Variants in DIP2C observed in about 807,000 individuals in gnomAD.
DIP2C encodes the protein DIP2 acetate--CoA ligase C (putative).
A neutral mutation model predicts 192.4 loss-of-function variants in DIP2C; 33 were observed. The ratio of observed to expected loss-of-function variants is 0.17; its 90% CI spans 0.13 to 0.23. The LOEUF (loss-of-function observed/expected upper bound fraction) is 0.23. Ranked by LOEUF, DIP2C falls within the 10% of genes least tolerant of loss-of-function variation. The probability of loss-of-function intolerance (pLI) is 1.00; values close to 1 mark genes in which losing one functional copy is unlikely to be tolerated. For missense variants in DIP2C, 1,537 were observed against 2,110.1 expected (o/e 0.73, Z 5.32); for synonymous variants, 979 against 864.1 (o/e 1.13, Z -2.33).
At chr10:471,741 A>G (rs1970648832) in intron 3 of DIP2C, among the ~76,000 whole-genome samples, 2 of 152,134 alleles carry the variant, frequency 1.3e-5, no homozygotes, top group South Asian at 4.2e-4. Context: ...AACATTAATC[A>G]CAGCCTGAGT....
At chr10:405,986 C>T (rs184133450) in intron 9 of DIP2C, among the ~76,000 whole-genome samples, 1 of 152,330 alleles carries the variant, frequency 6.6e-6, no homozygotes, top group African/African-American at 2.4e-5. Context: ...GCGCCTTCAC[C>T]CCTGACCCAA....
At chr10:419,337 C>A (rs937060493) in intron 5 of DIP2C, 138 bp from the exon 6 acceptor site, 17 of 1,213,644 alleles carry the variant, frequency 1.4e-5, no homozygotes, top group Non-Finnish European at 2.0e-5. Flanking sequence ...CCGATCTCAG[C>A]CGCATCTGCC....
chr10:314,353 C>G (rs1245393935), intron 31 of DIP2C, among the ~76,000 whole-genome samples: 1 of 152,238 alleles, frequency 6.6e-6, no homozygotes, highest in Non-Finnish European at 1.5e-5. Context: ...TCCTCCCTTT[C>G]TAGCCACCCT....
intron 1 of DIP2C, among the ~76,000 whole-genome samples, chr10:654,324 T>C (rs1048051983): frequency 1.3e-5 from 2 of 152,230 alleles, no homozygotes; most frequent in African/African-American, 4.8e-5. Context: ...AGCCCGTTTC[T>C]GTACCCAGCT....
chr10:344,889 T>C lies in DIP2C; in HGVS notation c.3373A>G (p.Ile1125Val). The C allele has an allele frequency of 6.2e-7, 1 of 1,607,874 alleles. No homozygotes were observed. Among genetic ancestry groups the C allele is most frequent in the Non-Finnish European group, 8.5e-7 (1 of 1,178,188 alleles). ...DDLPKKRPAQ[I>V]CKPCNPDTLA... ...GTGTCTGGGTTGCAAGGTTTGCAGA[T>C]CTGGGCAGGCCGCTTCTTTGGCAAA... The change falls in exon 28 of 37, where the codon ATC becomes GTC. Residue 1125 changes from isoleucine to valine, a missense_variant. Ile to Val is a conservative substitution (Grantham distance 29). Around this residue, in one of 4 missense-constraint regions of DIP2C, gnomAD observed 46 missense variants for 28.9 expected, o/e 1.59. Coordinates refer to ENST00000280886, the MANE Select transcript of DIP2C (RefSeq NM_014974.3).
chr10:409,327 A>C (rs888346501), intron 8 of DIP2C, among the ~76,000 whole-genome samples: 1 of 152,150 alleles, frequency 6.6e-6, no homozygotes, highest in South Asian at 2.1e-4. Flanking sequence ...GGGGGCGCGG[A>C]CAGTGCACAC....
intron 17 of DIP2C, among the ~76,000 whole-genome samples, chr10:378,922 T>C (rs1461270160): frequency 1.3e-5 from 2 of 152,218 alleles, no homozygotes; most frequent in Admixed American, 1.3e-4. Flanking sequence ...CAGACATGCG[T>C]GAGGACAGGC....
intron 1 of DIP2C, among the ~76,000 whole-genome samples, chr10:654,469 G>A (rs888872263): frequency 5.3e-5 from 8 of 152,168 alleles, no homozygotes; most frequent in Non-Finnish European, 1.2e-4. Flanking sequence ...ATAGCGTGGA[G>A]GGCACTGTAG....
chr10:385,845 G>A (rs1962847837), intron 14 of DIP2C, among the ~76,000 whole-genome samples: 1 of 152,132 alleles, frequency 6.6e-6, no homozygotes, highest in African/African-American at 2.4e-5. Flanking sequence ...CTCGATTTGG[G>A]AAGCTCCAGA....
rs1435860160 is a variant in DIP2C, at chr10:689,460, A to T, written c.85+34T>A. 8 of 1,101,560 alleles carry T rather than the reference A, an allele frequency of 7.3e-6. No homozygotes were observed. The highest frequency in any genetic ancestry group is 7.8e-6 in the Non-Finnish European group (7 of 901,788). The allele number at this position is 1,101,560 out of a possible 1,614,324, so 68.2% of individuals were successfully genotyped here. On this transcript the variant is annotated intron_variant, in intron 1 of 36. Coordinates refer to ENST00000280886, the MANE Select transcript of DIP2C (RefSeq NM_014974.3). This position sits in a 1 kb window ranked among gnomAD's most constrained non-coding sequence, Gnocchi z 6.1. ...TCCGCGCGCGGCCCTCCCCGGTGAC[A>T]GCGCGGCCCGGCCCGGGGCGGGGGC... is the stretch of plus-strand genomic sequence containing the variant.
At chr10:504,970 G>GTTCGTTCA (rs1845492708) in intron 1 of DIP2C, among the ~76,000 whole-genome samples, 1 of 152,066 alleles carries the variant, frequency 6.6e-6, no homozygotes, top group East Asian at 1.9e-4. Flanking sequence ...TCAGTGCTAG[G>GTTCGTTCA]TTCGTTCATT....
chr10:279,801 A>G (rs949799096), intron 36 of DIP2C, among the ~76,000 whole-genome samples: 2 of 152,258 alleles, frequency 1.3e-5, no homozygotes, highest in Non-Finnish European at 2.9e-5. Flanking sequence ...TGGGGGTCAC[A>G]TGGCAGGTAA....
intron 1 of DIP2C, among the ~76,000 whole-genome samples, chr10:489,930 T>A (rs1844312678): frequency 4.1e-5 from 1 of 24,168 alleles, no homozygotes; most frequent in African/African-American, 1.4e-4. Flanking sequence ...TTCCTCCATT[T>A]CACACCAGGG....
intron 1 of DIP2C, among the ~76,000 whole-genome samples, chr10:561,935 C>T (rs1046461299): frequency 2.6e-5 from 4 of 152,224 alleles, no homozygotes; most frequent in African/African-American, 9.6e-5. Context: ...GTCAGCAGTG[C>T]GGCTCCGCTG....
Position 369,607 on chromosome 10 carries a change from G to A in DIP2C, c.2018C>T (p.Pro673Leu), listed in dbSNP as rs751334165. ...ATGCATGGAGAGGACACCCCGGCCCGGGGGCTGGTTACTGTCATCCGTGGG... is the reference window on the plus strand; with the variant it reads ...ATGCATGGAGAGGACACCCCGGCCCAGGGGCTGGTTACTGTCATCCGTGGG... ...RRPTDDSNQPPGRGVLSMHGL... is the reference protein window; with the variant it reads ...RRPTDDSNQPLGRGVLSMHGL... The change falls in exon 18 of 37, where the codon CCG becomes CTG. Residue 673 changes from proline to leucine, a missense_variant. Pro to Leu is a moderately conservative substitution (Grantham distance 98, BLOSUM62 -3). Transcript: ENST00000280886. The A allele has an allele frequency of 8.7e-6, 14 of 1,613,590 alleles. No homozygotes were observed. Among genetic ancestry groups the A allele is most frequent in the South Asian group, 3.3e-5 (3 of 90,976 alleles).
intron 9 of DIP2C, among the ~76,000 whole-genome samples, chr10:400,539 G>A (rs1467738259): frequency 1.3e-5 from 2 of 152,008 alleles, no homozygotes; most frequent in Non-Finnish European, 2.9e-5. Context: ...ATCAGCACAT[G>A]AATCCTGTGA....
intron 7 of DIP2C, among the ~76,000 whole-genome samples, chr10:415,392 C>T (rs185111544): frequency 2.0e-4 from 31 of 152,348 alleles, no homozygotes; most frequent in African/African-American, 7.5e-4. Context: ...TAAGGAGAGG[C>T]AGCAGGAGGA....
Position 347,839 on chromosome 10 carries a change from ACCCCACACGCACCCAGACG to A in DIP2C, c.3231+783_3231+801del, listed in dbSNP as rs1360761192. ...CACATCGCGCATAGCTCTCCTGGAAACCCCACACGCACCCAGACGCGTCGCGCATAGCTCTCCCGGAAAC... is the reference window on the plus strand; with the variant it reads ...CACATCGCGCATAGCTCTCCTGGAAACGTCGCGCATAGCTCTCCCGGAAAC... On this transcript the variant is annotated intron_variant, in intron 26 of 36. Transcript: ENST00000280886. 1.3e-3 allele frequency among the ~76,000 whole-genome samples: 146 copies of A among 111,042 alleles called. 2 individuals carry two copies. The highest frequency in any genetic ancestry group is 0.01 in the East Asian group (39 of 3,770). 72.8% of individuals were successfully genotyped at this position (111,042 alleles called of 152,430 possible).
At chr10:479,328 CTTTTTTTT>C (rs766379689) in intron 2 of DIP2C, among the ~76,000 whole-genome samples, 3 of 88,458 alleles carry the variant, frequency 3.4e-5, no homozygotes, top group African/African-American at 8.8e-5. Context: ...TCTCACACTG[CTTTTTTTT>C]TTTTTTTTTT....
Sources: allele counts gnomAD v4.1 joint callset (sites outside exome capture counted in the v4.1 genomes callset), GRCh38; gene constraint gnomAD v4.1.1; regional missense constraint gnomAD v4.1.1; non-coding constraint Gnocchi (gnomAD v3.1); transcripts MANE v1.5; gene names NCBI Gene and HGNC (gene_info 2026-07-23, HGNC 2026-07-21).